The following DPP10 variants were observed in gnomAD, a reference collection of about 807,000 sequenced individuals.
DPP10 encodes the protein inactive dipeptidyl peptidase 10.
A neutral mutation model predicts 120.9 loss-of-function variants in DPP10; 33 were observed. That is an observed-to-expected ratio of 0.27 (90% CI 0.21 to 0.37). The LOEUF (loss-of-function observed/expected upper bound fraction) is 0.37. Ranked by LOEUF, DPP10 falls within the 10% of genes least tolerant of loss-of-function variation. The probability of loss-of-function intolerance (pLI) is 1.00; values close to 1 mark genes in which losing one functional copy is unlikely to be tolerated. For synonymous variants in DPP10, 337 were observed against 326.1 expected (o/e 1.03, Z -0.36); for missense variants, 816 against 942.8 (o/e 0.87, Z 1.76).
At chr2:114,562,448 G>A (rs1051313243) in intron 1 of DPP10, among the ~76,000 whole-genome samples, 42 of 152,246 alleles carry the variant, frequency 2.8e-4, no homozygotes, top group African/African-American at 9.1e-4. Flanking sequence ...AGCTAATGAC[G>A]TCTCAATAGA....
chr2:115,406,012 C>T (rs1156965241), intron 3 of DPP10, among the ~76,000 whole-genome samples: 1 of 152,236 alleles, frequency 6.6e-6, no homozygotes, highest in Admixed American at 6.5e-5. Flanking sequence ...CTGTACCGCA[C>T]CCTTGGCTTT....
chr2:115,231,087 G>A (rs1269980401), intron 1 of DPP10, among the ~76,000 whole-genome samples: 1 of 151,884 alleles, frequency 6.6e-6, no homozygotes, highest in Non-Finnish European at 1.5e-5. Flanking sequence ...ATTCTTCCCT[G>A]GAGTTCCCTA....
rs537751442 is a variant in DPP10, at chr2:114,567,032, C to T, written c.60+124194C>T. 3.1e-4 allele frequency among the ~76,000 whole-genome samples: 47 copies of T among 152,268 alleles called. 1 individual carries two copies. In the South Asian group the frequency reaches 9.3e-3, roughly 30 times the overall value. Reference sequence around the variant, plus strand: ...TGAGAGAGCTTCAGCACAACCCTTGCCTCTGACTACCATACTCCACTCCAG... The same window carrying T: ...TGAGAGAGCTTCAGCACAACCCTTGTCTCTGACTACCATACTCCACTCCAG... On this transcript the variant is annotated intron_variant, in intron 1 of 25. Coordinates refer to ENST00000410059, the MANE Select transcript of DPP10 (RefSeq NM_020868.6).
chr2:115,064,591 CA>C (rs1706689245), intron 1 of DPP10: 1 of 1,199,136 alleles, frequency 8.3e-7, no homozygotes, highest in Non-Finnish European at 1.1e-6. Context: ...TTCGGTTGGA[CA>C]TAGGTGGGCA....
intron 3 of DPP10, among the ~76,000 whole-genome samples, chr2:115,402,854 A>AAAAT (rs1476901026): frequency 0.012 from 1,140 of 97,606 alleles, 28 homozygotes; most frequent in African/African-American, 0.016. Flanking sequence ...AAAAAAAAAA[A>AAAAT]ATATATATAT....
chr2:114,780,039 G>A (rs979706336), intron 1 of DPP10, among the ~76,000 whole-genome samples: 1 of 152,080 alleles, frequency 6.6e-6, no homozygotes, highest in Non-Finnish European at 1.5e-5. Context: ...GGGAGGCTGA[G>A]GCAGGAGAAT....
At chr2:115,814,631 G>A (rs1480886417) in intron 19 of DPP10, 162 bp from the exon 20 acceptor site, 2 of 486,136 alleles carry the variant, frequency 4.1e-6, no homozygotes, top group African/African-American at 4.0e-5. Context: ...ATTTTACGAA[G>A]GAAAATTGTA....
chr2:115,006,200 A>G (rs1404418680), intron 1 of DPP10, among the ~76,000 whole-genome samples: 2 of 152,112 alleles, frequency 1.3e-5, no homozygotes, highest in Non-Finnish European at 2.9e-5. Flanking sequence ...CCTGCCCTAA[A>G]AGAGCTCCTG....
At chr2:114,704,869 A>G (rs1700594826) in intron 1 of DPP10, among the ~76,000 whole-genome samples, 1 of 152,104 alleles carries the variant, frequency 6.6e-6, no homozygotes. Flanking sequence ...TAGTGGTGGA[A>G]TCCTAACTCT....
intron 1 of DPP10, among the ~76,000 whole-genome samples, chr2:115,137,708 G>T (rs1319177679): frequency 1.3e-5 from 2 of 152,168 alleles, no homozygotes; most frequent in Non-Finnish European, 2.9e-5. Flanking sequence ...GGGAGAAATT[G>T]TTAAGAGATT....
chr2:115,331,847 G>T (rs937158565), intron 2 of DPP10, among the ~76,000 whole-genome samples: 2 of 152,026 alleles, frequency 1.3e-5, no homozygotes, highest in African/African-American at 4.8e-5. Context: ...GAGGATTTTT[G>T]CATCAATGTT....
chr2:115,215,880 A>T lies in DPP10; in HGVS notation c.61-93359A>T, dbSNP rs374310581. Among the ~76,000 whole-genome samples the T allele has an allele frequency of 2.1e-4, 32 of 152,302 alleles. No individual in the cohort carries two copies. In the South Asian group the frequency reaches 4.8e-3, roughly 23 times the overall value. On this transcript the variant is annotated intron_variant, in intron 1 of 25. Transcript: ENST00000410059. ...TATGTGTATTGCATTACTATTCACA[A>T]TAGCAAATATATGGAATCGTGCTAA...
chr2:115,733,590 GA>G (rs10584331), intron 8 of DPP10, among the ~76,000 whole-genome samples: 68,915 of 144,068 alleles, frequency 0.48, 18,905 homozygotes, highest in East Asian at 0.62. Flanking sequence ...GCAGAAAATT[GA>G]AAAAAAAAAA....
At chr2:114,786,413 T>G (rs1682771273) in intron 1 of DPP10, among the ~76,000 whole-genome samples, 6 of 152,190 alleles carry the variant, frequency 3.9e-5, no homozygotes, top group Admixed American at 3.9e-4. Flanking sequence ...TCAGTGATTT[T>G]CGAGAAGCGA....
At chr2:114,829,502 G>A (rs993870176) in intron 1 of DPP10, among the ~76,000 whole-genome samples, 3 of 149,132 alleles carry the variant, frequency 2.0e-5, no homozygotes, top group East Asian at 2.0e-4. Context: ...TCCCGCCTAA[G>A]CCTCACAGGC....
rs757013331 is a variant in DPP10, at chr2:115,764,802, T to A, written c.1113+2192T>A. ...AGGGAATTTTATGAAATACTTAGAG[T>A]TATATGAAATTTAATGTATGAGCAT... On this transcript the variant is annotated intron_variant, in intron 12 of 25. Transcript: ENST00000410059. 2.6e-5 allele frequency among the ~76,000 whole-genome samples: 4 copies of A among 152,100 alleles called. No homozygotes were observed. The South Asian group carries it at 6.2e-4, about 24-fold the overall frequency.
At chr2:114,554,006 G>A (rs540426304) in intron 1 of DPP10, among the ~76,000 whole-genome samples, 1 of 152,282 alleles carries the variant, frequency 6.6e-6, no homozygotes, top group South Asian at 2.1e-4. Context: ...GTACTAGGAA[G>A]AAAAGAAAAC....
chr2:115,412,651 GCA>G (rs1408989497), intron 3 of DPP10, among the ~76,000 whole-genome samples: 2 of 152,180 alleles, frequency 1.3e-5, no homozygotes, highest in Non-Finnish European at 1.5e-5. Context: ...ATTCACCTTG[GCA>G]CAGGACTAAG....
chr2:115,278,653 G>A (rs1170416421), intron 1 of DPP10, among the ~76,000 whole-genome samples: 2 of 152,002 alleles, frequency 1.3e-5, no homozygotes, highest in Non-Finnish European at 2.9e-5. Flanking sequence ...AACACATGGG[G>A]GCAGGTGGGT....
Sources: gnomAD v4.1 joint callset for allele counts (sites outside exome capture counted in the v4.1 genomes callset) on GRCh38, gnomAD v4.1.1 for gene constraint, MANE v1.5 for transcripts, NCBI Gene and HGNC (gene_info 2026-07-23, HGNC 2026-07-21) for gene names.